PTPRD: variants seen among roughly 807,000 people sequenced by gnomAD.
The protein encoded by PTPRD is protein tyrosine phosphatase receptor type D, also known as receptor-type tyrosine-protein phosphatase delta.
A neutral mutation model predicts 214.5 loss-of-function variants in PTPRD; 34 were observed. The observed-to-expected ratio is 0.16, with a 90% confidence interval of 0.12 to 0.21. The LOEUF is 0.21. Among genes scored for constraint, PTPRD ranks in the 10% least tolerant of loss-of-function variants. PTPRD has a pLI of 1.00. For missense variants in PTPRD, 2,545 were observed against 2,398.7 expected, an observed-to-expected ratio of 1.06 and a Z score of -1.27; for synonymous variants, 1,128 against 845.7, an observed-to-expected ratio of 1.33 and a Z score of -5.79.
At chr9:9,836,150 T>A (rs577372750) in intron 5 of PTPRD, among the ~76,000 whole-genome samples, 1 of 152,138 alleles carries the variant, frequency 6.6e-6, no homozygotes, top group Non-Finnish European at 1.5e-5. Context: ...GAAATGGGAA[T>A]ATCAAGAGTC....
intron 3 of PTPRD, among the ~76,000 whole-genome samples, chr9:10,057,837 G>A (rs1305408202): frequency 3.7e-5 from 5 of 135,494 alleles, no homozygotes; most frequent in African/African-American, 9.3e-5. Flanking sequence ...GTGAGACTCC[G>A]TCTCAAAAAA....
intron 3 of PTPRD, among the ~76,000 whole-genome samples, chr9:10,273,054 A>G (rs937275396): frequency 1.3e-5 from 2 of 152,184 alleles, no homozygotes; most frequent in Non-Finnish European, 1.5e-5. Flanking sequence ...GATGATTGGC[A>G]CAATGTGTAT....
At chr9:8,621,827 C>G (rs115960870) in intron 14 of PTPRD, among the ~76,000 whole-genome samples, 1 of 151,784 alleles carries the variant, frequency 6.6e-6, no homozygotes, top group South Asian at 2.1e-4. Flanking sequence ...AAATAAAAGG[C>G]TCTTTAGGAT....
At chr9:9,423,018 C>T (rs964077948) in intron 8 of PTPRD, among the ~76,000 whole-genome samples, 2 of 152,058 alleles carry the variant, frequency 1.3e-5, no homozygotes, top group African/African-American at 2.4e-5. Flanking sequence ...TTTGGGGAAA[C>T]CAGAACAAAG....
intron 8 of PTPRD, among the ~76,000 whole-genome samples, chr9:9,497,309 C>A (rs970317705): frequency 6.6e-6 from 1 of 152,134 alleles, no homozygotes; most frequent in Admixed American, 6.5e-5. Context: ...GTAGTGGGAA[C>A]TGACTTAACT....
At chr9:9,424,080 T>C (rs1224929906) in intron 8 of PTPRD, among the ~76,000 whole-genome samples, 1 of 152,192 alleles carries the variant, frequency 6.6e-6, no homozygotes, top group Admixed American at 6.5e-5. Flanking sequence ...GCATTCCATC[T>C]TGGAAGGCTG....
intron 14 of PTPRD, among the ~76,000 whole-genome samples, chr9:8,550,656 T>C (rs2081784868): frequency 6.6e-6 from 1 of 152,166 alleles, no homozygotes; most frequent in Admixed American, 6.5e-5. Context: ...CCTAAATAAA[T>C]CTAAATCCAT....
intron 5 of PTPRD, among the ~76,000 whole-genome samples, chr9:9,873,732 C>T (rs2066097393): frequency 6.6e-6 from 1 of 152,072 alleles, no homozygotes; most frequent in Admixed American, 6.6e-5. Context: ...ATTCTTAATT[C>T]TTTTAATTAA....
chr9:9,369,578 A>G (rs201376617), intron 9 of PTPRD, among the ~76,000 whole-genome samples: 52 of 151,914 alleles, frequency 3.4e-4, no homozygotes, highest in Admixed American at 9.2e-4. Flanking sequence ...CACTCTGATG[A>G]TAGTTTCTTT....
intron 2 of PTPRD, among the ~76,000 whole-genome samples, chr9:10,505,926 G>C (rs2045802289): frequency 6.6e-6 from 1 of 152,038 alleles, no homozygotes; most frequent in South Asian, 2.1e-4. Flanking sequence ...TAAGTAGAAG[G>C]TGTATGAAAA....
chr9:8,522,211 A>C (rs1057012340), intron 19 of PTPRD, among the ~76,000 whole-genome samples: 3 of 152,248 alleles, frequency 2.0e-5, no homozygotes, highest in Non-Finnish European at 4.4e-5. Flanking sequence ...GGATTGGGTC[A>C]TGCAAGGCAT....
intron 3 of PTPRD, among the ~76,000 whole-genome samples, chr9:10,287,340 G>A (rs16925713): frequency 0.027 from 4,113 of 152,232 alleles, 292 homozygotes; most frequent in Admixed American, 0.16. Context: ...AACCACTAGC[G>A]TATGCAACAG....
At chr9:10,406,866 C>A (rs192444203) in intron 2 of PTPRD, among the ~76,000 whole-genome samples, 1 of 151,486 alleles carries the variant, frequency 6.6e-6, no homozygotes, top group African/African-American at 2.4e-5. Context: ...CTCACAGGAT[C>A]CCTGTGGTGA....
chr9:9,924,728 T>A (rs2083671702), intron 5 of PTPRD, among the ~76,000 whole-genome samples: 3 of 152,116 alleles, frequency 2.0e-5, no homozygotes, highest in East Asian at 3.9e-4. Context: ...GTCCTTCGTA[T>A]CTCTAAAAAT....
intron 9 of PTPRD, among the ~76,000 whole-genome samples, chr9:9,286,554 A>G (rs981204580): frequency 6.6e-6 from 1 of 151,616 alleles, no homozygotes; most frequent in Non-Finnish European, 1.5e-5. Context: ...CGTTTTTCTA[A>G]TTACTTTTTC....
At chr9:10,309,278 A>G (rs2096192663) in intron 3 of PTPRD, among the ~76,000 whole-genome samples, 1 of 152,044 alleles carries the variant, frequency 6.6e-6, no homozygotes, top group Non-Finnish European at 1.5e-5. Flanking sequence ...CACTTAAAAA[A>G]TGGCTTATTA....
intron 7 of PTPRD, among the ~76,000 whole-genome samples, chr9:9,580,393 C>T (rs1229852441): frequency 6.6e-6 from 1 of 151,892 alleles, no homozygotes; most frequent in African/African-American, 2.4e-5. Flanking sequence ...TGTTAATAGC[C>T]ATTCTGATTG....
chr9:10,388,419 G>T (rs1318588188), intron 2 of PTPRD, among the ~76,000 whole-genome samples: 2 of 150,396 alleles, frequency 1.3e-5, no homozygotes, highest in Non-Finnish European at 3.0e-5. Context: ...TCAAGGAGAG[G>T]CTTGACTATA....
At chr9:10,196,377 C>T (rs1483036005) in intron 3 of PTPRD, among the ~76,000 whole-genome samples, 2 of 152,198 alleles carry the variant, frequency 1.3e-5, no homozygotes, top group Admixed American at 1.3e-4. Flanking sequence ...GCTTTGAAAA[C>T]ATCTGGCACA....
Sources: gnomAD v4.1 joint callset for allele counts (sites outside exome capture counted in the v4.1 genomes callset) on GRCh38, gnomAD v4.1.1 for gene constraint, MANE v1.5 for transcripts, NCBI Gene and HGNC (gene_info 2026-07-23, HGNC 2026-07-21) for gene names.